The following MAF variants were observed in gnomAD, a reference collection of about 807,000 sequenced individuals.
MAF encodes the protein transcription factor Maf.
In MAF, 10 loss-of-function variants were observed where a neutral mutation model predicts 22.0. The observed-to-expected ratio is 0.45, with a 90% CI of 0.28 to 0.77. MAF has a LOEUF of 0.77. Among genes scored for constraint, MAF ranks in the 30% least tolerant of loss-of-function variants. The pLI is 0.12. For synonymous variants in MAF, 337 were observed against 255.8 expected (o/e 1.32, Z -3.03); for missense variants, 544 against 548.4 (o/e 0.99, Z 0.08).
chr16:79,545,479 A>G, the MAF span, among the ~76,000 whole-genome samples: 3 of 152,000 alleles, frequency 2.0e-5, no homozygotes, highest in South Asian at 6.2e-4. Context: ...TTGCATGCCT[A>G]TGAAGATGGA....
chr16:79,211,583 T>TTTGTC, the MAF span: 5 of 1,614,038 alleles, frequency 3.1e-6, no homozygotes, highest in Admixed American at 1.7e-5. Flanking sequence ...AAAATTTTTT[T>TTTGTC]TTGTCTTTCT....
chr16:79,266,433 C>T, the MAF span, among the ~76,000 whole-genome samples: 2 of 151,996 alleles, frequency 1.3e-5, no homozygotes, highest in Non-Finnish European at 2.9e-5. Flanking sequence ...AGGGGTAGGT[C>T]CCAAAAGGCA....
At chr16:79,206,974 C>T in the MAF span, among the ~76,000 whole-genome samples, 1 of 152,050 alleles carries the variant, frequency 6.6e-6, no homozygotes, top group Non-Finnish European at 1.5e-5. Context: ...GAGATTGAAG[C>T]TGTAATTGTT....
chr16:79,289,110 C>T, the MAF span, among the ~76,000 whole-genome samples: 1 of 152,144 alleles, frequency 6.6e-6, no homozygotes, highest in Admixed American at 6.5e-5. Flanking sequence ...AAGTATGAGG[C>T]CATGCAAGGA....
At chr16:79,210,516 G>C in the MAF span, among the ~76,000 whole-genome samples, 1 of 152,146 alleles carries the variant, frequency 6.6e-6, no homozygotes, top group African/African-American at 2.4e-5. Flanking sequence ...TGTTTTCCTT[G>C]TGGGGGCGAG....
the MAF span, among the ~76,000 whole-genome samples, chr16:79,468,576 G>A: frequency 0.028 from 4,337 of 152,280 alleles, 196 homozygotes; most frequent in African/African-American, 0.1. Context: ...GCATGCTGCA[G>A]CCTCAGGGCA....
the MAF span, among the ~76,000 whole-genome samples, chr16:79,392,867 T>G: frequency 6.6e-6 from 1 of 152,302 alleles, no homozygotes; most frequent in East Asian, 1.9e-4. Flanking sequence ...GGGAATCCAC[T>G]GCTGTACGGC....
At chr16:79,586,073 TG>T (rs1338484459) in intron 1 of MAF, 2 of 533,864 alleles carry the variant, frequency 3.7e-6, no homozygotes, top group Non-Finnish European at 6.5e-6. Context: ...AGAGTGATTT[TG>T]TTCCATTTGC....
chr16:79,343,701 T>C, the MAF span, among the ~76,000 whole-genome samples: 5 of 152,220 alleles, frequency 3.3e-5, no homozygotes, highest in Non-Finnish European at 7.3e-5. Context: ...CTGTAAAATG[T>C]CATCTGGATT....
chr16:79,529,947 G>A, the MAF span, among the ~76,000 whole-genome samples: 143 of 140,570 alleles, frequency 1.0e-3, no homozygotes, highest in Non-Finnish European at 1.6e-3. Flanking sequence ...GGCAACAAGA[G>A]TGAAACTCCA....
chr16:79,380,197 GT>G, the MAF span, among the ~76,000 whole-genome samples: 35 of 152,126 alleles, frequency 2.3e-4, no homozygotes, highest in Non-Finnish European at 4.6e-4. Context: ...TGCAATTTGG[GT>G]TTTTCCAGCA....
At chr16:79,537,358 G>C in the MAF span, among the ~76,000 whole-genome samples, 1 of 152,124 alleles carries the variant, frequency 6.6e-6, no homozygotes, top group Non-Finnish European at 1.5e-5. Context: ...TGCAGTACCA[G>C]GTATTTTGAT....
At chr16:79,233,144 T>C in the MAF span, among the ~76,000 whole-genome samples, 1 of 151,966 alleles carries the variant, frequency 6.6e-6, no homozygotes, top group Admixed American at 6.6e-5. Context: ...CCGGCCTTGA[T>C]AGGCCATTCT....
chr16:79,279,598 T>G, the MAF span, among the ~76,000 whole-genome samples: 4 of 152,066 alleles, frequency 2.6e-5, no homozygotes, highest in African/African-American at 4.8e-5. Context: ...ATTCAAGCAC[T>G]GACCCCTCAC....
At chr16:79,260,970 G>A in the MAF span, among the ~76,000 whole-genome samples, 1 of 152,088 alleles carries the variant, frequency 6.6e-6, no homozygotes, top group African/African-American at 2.4e-5. Flanking sequence ...ATACCCTGGG[G>A]TGTAGGTCAG....
At chr16:79,536,192 C>A in the MAF span, among the ~76,000 whole-genome samples, 1 of 152,206 alleles carries the variant, frequency 6.6e-6, no homozygotes, top group South Asian at 2.1e-4. Context: ...TTTCATAAAA[C>A]TTTGGCCCAG....
the MAF span, among the ~76,000 whole-genome samples, chr16:79,468,067 G>A: frequency 6.6e-6 from 1 of 152,122 alleles, no homozygotes; most frequent in African/African-American, 2.4e-5. Flanking sequence ...GCAGACCTGG[G>A]TGCATCATGC....
chr16:79,216,759 T>G, the MAF span, among the ~76,000 whole-genome samples: 1 of 152,094 alleles, frequency 6.6e-6, no homozygotes, highest in African/African-American at 2.4e-5. Flanking sequence ...TACATATATG[T>G]GTGTATTTGT....
the MAF span, among the ~76,000 whole-genome samples, chr16:79,493,135 TTTTTTTTG>T: frequency 7.0e-6 from 1 of 143,742 alleles, no homozygotes; most frequent in African/African-American, 2.9e-5. Context: ...TCTTTCTGTT[TTTTTTTTG>T]TTTTGTTTTG....
Sources: allele counts gnomAD v4.1 joint callset (sites outside exome capture counted in the v4.1 genomes callset), GRCh38; gene constraint gnomAD v4.1.1; transcripts MANE v1.5; gene names NCBI Gene and HGNC (gene_info 2026-07-23, HGNC 2026-07-21).